Variants in EEA1 observed in about 807,000 individuals in gnomAD.
The protein encoded by EEA1 is early endosome antigen 1, 162kD.
Under a neutral mutation model 209.2 loss-of-function variants are expected in EEA1, and 111 were observed. The ratio of observed to expected loss-of-function variants is 0.53; its 90% CI spans 0.45 to 0.62. The LOEUF (loss-of-function observed/expected upper bound fraction) is 0.62. EEA1 is among the 20% of genes least tolerant of loss of function. The pLI, the probability that EEA1 is intolerant of heterozygous loss-of-function variation, is 0.00. For synonymous variants in EEA1, 536 were observed against 540.6 expected (o/e 0.99, Z 0.12); for missense variants, 1,343 against 1,530.8 (o/e 0.88, Z 2.05).
intron 1 of EEA1, among the ~76,000 whole-genome samples, chr12:92,909,013 G>A (rs375368950): frequency 5.3e-5 from 8 of 152,212 alleles, no homozygotes; most frequent in Admixed American, 2.6e-4. Context: ...GGGTTTCGCC[G>A]TGTTAGCCAG....
intron 21 of EEA1, among the ~76,000 whole-genome samples, chr12:92,798,263 GATTT>G (rs1874741988): frequency 1.3e-5 from 2 of 152,052 alleles, no homozygotes; most frequent in South Asian, 4.2e-4. Context: ...TAATAAGAAT[GATTT>G]ATTTTAAATT....
intron 21 of EEA1, among the ~76,000 whole-genome samples, chr12:92,794,180 A>C (rs1874543703): frequency 6.6e-6 from 1 of 152,240 alleles, no homozygotes; most frequent in South Asian, 2.1e-4. Context: ...CCACTATGAG[A>C]TACCATCTCA....
intron 3 of EEA1, among the ~76,000 whole-genome samples, chr12:92,862,843 T>C (rs1289767784): frequency 6.6e-6 from 1 of 152,168 alleles, no homozygotes; most frequent in African/African-American, 2.4e-5. Flanking sequence ...TTTCCTGGCT[T>C]TACTAACTGG....
At chr12:92,921,866 CAAAAAA>C (rs756583756) in intron 1 of EEA1, among the ~76,000 whole-genome samples, 3 of 83,450 alleles carry the variant, frequency 3.6e-5, no homozygotes, top group East Asian at 6.1e-4. Context: ...GACTCTGTCT[CAAAAAA>C]AAAAAAAAAA....
chr12:92,923,615 C>G (rs1425756366), intron 1 of EEA1, among the ~76,000 whole-genome samples: 2 of 152,132 alleles, frequency 1.3e-5, no homozygotes, highest in African/African-American at 2.4e-5. Context: ...TACCACACCC[C>G]CTCTCCACCA....
intron 10 of EEA1, among the ~76,000 whole-genome samples, chr12:92,834,568 A>AAG (rs1876825738): frequency 6.7e-6 from 1 of 150,108 alleles, no homozygotes; most frequent in Non-Finnish European, 1.5e-5. Flanking sequence ...AAAAAAAAAA[A>AAG]AGAGTACTTA....
At chr12:92,916,027 A>G (rs1412692890) in intron 1 of EEA1, among the ~76,000 whole-genome samples, 1 of 152,226 alleles carries the variant, frequency 6.6e-6, no homozygotes, top group Non-Finnish European at 1.5e-5. Flanking sequence ...TACATATATC[A>G]TACAATTAAC....
chr12:92,860,883 T>TAAA (rs1294239273), intron 3 of EEA1, among the ~76,000 whole-genome samples: 1 of 138,920 alleles, frequency 7.2e-6, no homozygotes, highest in Non-Finnish European at 1.6e-5. Flanking sequence ...GGTTCTACCT[T>TAAA]AAAAAAAAAA....
At chr12:92,927,698 A>C (rs1436692361) in intron 1 of EEA1, among the ~76,000 whole-genome samples, 1 of 152,224 alleles carries the variant, frequency 6.6e-6, no homozygotes, top group Non-Finnish European at 1.5e-5. Context: ...TAAAAGAAAA[A>C]TCTCCTAAAG....
chr12:92,851,067 A>G, intron 9 of EEA1, 44 bp downstream of exon 9: 3 of 1,596,066 alleles, frequency 1.9e-6, no homozygotes, highest in Non-Finnish European at 1.7e-6. Context: ...TATACACTAC[A>G]CAAGCTAATA....
At chr12:92,813,911 G>T (rs1204710387) in intron 15 of EEA1, among the ~76,000 whole-genome samples, 1 of 152,086 alleles carries the variant, frequency 6.6e-6, no homozygotes, top group African/African-American at 2.4e-5. Flanking sequence ...TACTCAGGAG[G>T]CTGAGGCAGA....
intron 9 of EEA1, among the ~76,000 whole-genome samples, chr12:92,850,416 G>A (rs1877563049): frequency 6.6e-6 from 1 of 152,126 alleles, no homozygotes; most frequent in Admixed American, 6.5e-5. Flanking sequence ...ATGGCCGGGT[G>A]CAGTGGCTCA....
intron 13 of EEA1, among the ~76,000 whole-genome samples, chr12:92,824,372 T>A (rs1876197787): frequency 6.6e-6 from 1 of 152,250 alleles, no homozygotes; most frequent in African/African-American, 2.4e-5. Context: ...TCAGCCAGAA[T>A]AATTCTGTGA....
In EEA1 at chr12:92,780,369, C is replaced by T; in HGVS notation, c.3379G>A (p.Ala1127Thr). 2 of 1,581,314 alleles carry T rather than the reference C, an allele frequency of 1.3e-6. No homozygotes were observed. Among genetic ancestry groups the T allele is most frequent in the Non-Finnish European group, 1.7e-6 (2 of 1,159,702 alleles). Residue 1127 changes from alanine to threonine, a missense_variant, in exon 24 of 29, where the codon GCA becomes ACA. Coordinates refer to ENST00000322349, the MANE Select transcript of EEA1 (RefSeq NM_003566.4). ...CTACATTTAATTTCTTCTATCTCTG[C>T]CAATTTAGACTTCTCATTTACCAGT... The part of the protein sequence containing the change: ...KELVNEKSKL[A>T]EIEEIKCRQE...
At chr12:92,788,393 G>C (rs1319457206) in intron 21 of EEA1, among the ~76,000 whole-genome samples, 1 of 151,804 alleles carries the variant, frequency 6.6e-6, no homozygotes, top group Non-Finnish European at 1.5e-5. Flanking sequence ...ATTTAAGGTG[G>C]AACTAAGGGA....
intron 2 of EEA1, among the ~76,000 whole-genome samples, chr12:92,878,390 A>C (rs1474276110): frequency 6.6e-6 from 1 of 152,218 alleles, no homozygotes; most frequent in Non-Finnish European, 1.5e-5. Context: ...GAAAAGGAAG[A>C]ATCAAGTTTA....
intron 3 of EEA1, among the ~76,000 whole-genome samples, chr12:92,860,892 A>T (rs1226214469): frequency 6.7e-6 from 1 of 148,168 alleles, no homozygotes; most frequent in Non-Finnish European, 1.5e-5. Flanking sequence ...TTAAAAAAAA[A>T]AAAGAAGACA....
intron 2 of EEA1, among the ~76,000 whole-genome samples, chr12:92,876,961 T>TTTA (rs1878922701): frequency 6.6e-6 from 1 of 150,954 alleles, no homozygotes; most frequent in Non-Finnish European, 1.5e-5. Flanking sequence ...TTTTTGTTTT[T>TTTA]GAGACAGAGT....
chr12:92,908,741 G>T (rs976355806), intron 1 of EEA1, among the ~76,000 whole-genome samples: 1 of 152,032 alleles, frequency 6.6e-6, no homozygotes, highest in Non-Finnish European at 1.5e-5. Flanking sequence ...AAGATATTCA[G>T]TATAAGAAAA....
Sources: allele counts gnomAD v4.1 joint callset (sites outside exome capture counted in the v4.1 genomes callset), GRCh38; gene constraint gnomAD v4.1.1; transcripts MANE v1.5; gene names NCBI Gene and HGNC (gene_info 2026-07-23, HGNC 2026-07-21).